Variants in KLF12 observed in about 807,000 individuals in gnomAD.
KLF12 encodes the protein KLF transcription factor 12.
In KLF12, 9 loss-of-function variants were observed where a neutral mutation model predicts 37.8. That is an observed-to-expected ratio of 0.24 (90% CI 0.14 to 0.42). KLF12 has a LOEUF of 0.42. Among genes scored for constraint, KLF12 ranks in the 10% least tolerant of loss-of-function variants. The probability of loss-of-function intolerance (pLI) is 1.00; values close to 1 mark genes in which losing one functional copy is unlikely to be tolerated. For missense variants in KLF12, 411 were observed against 516.0 expected (o/e 0.80, Z 1.97); for synonymous variants, 208 against 202.1 (o/e 1.03, Z -0.25).
Position 73,908,081 on chromosome 13 carries a change from G to C in KLF12, c.123+35900C>G, listed in dbSNP as rs187286550. Among the ~76,000 whole-genome samples, 29 of 152,216 alleles carry C rather than the reference G, an allele frequency of 1.9e-4. No homozygotes were observed. In the East Asian group the frequency reaches 5.4e-3, roughly 28 times the overall value. On this transcript the variant is annotated intron_variant, in intron 3 of 7. Coordinates refer to ENST00000377669, the MANE Select transcript of KLF12 (RefSeq NM_007249.5). ...GTCTTGGTTCAATGTCTACCTATTA[G>C]AAATAGGCCTGAGCATCTAATTAAA...
Position 74,125,388 on chromosome 13 carries a change from T to C in KLF12, c.-32+8351A>G, listed in dbSNP as rs559410991. On this transcript the variant is annotated intron_variant, in intron 1 of 7. Coordinates refer to ENST00000377669, the MANE Select transcript of KLF12 (RefSeq NM_007249.5). ...TTACCTTACATTATAATGTGCCACA[T>C]AATTCTTACCCCACCCTCCTTGATT... Among the ~76,000 whole-genome samples, 19 of 152,300 alleles carry C rather than the reference T, an allele frequency of 1.2e-4. No individual in the cohort carries two copies. In the South Asian group the frequency reaches 3.7e-3, roughly 30 times the overall value.
At chr13:74,081,056 C>T (rs762518638) in intron 1 of KLF12, among the ~76,000 whole-genome samples, 3 of 152,160 alleles carry the variant, frequency 2.0e-5, no homozygotes, top group African/African-American at 4.8e-5. Flanking sequence ...GCCTCTGGTA[C>T]GAAATGACCA....
chr13:73,810,982 C>CTTCCTTTTT (rs1882901450), intron 5 of KLF12, among the ~76,000 whole-genome samples: 2 of 44,808 alleles, frequency 4.5e-5, no homozygotes, highest in African/African-American at 1.7e-4. Flanking sequence ...ATTTTTCTTT[C>CTTCCTTTTT]TTTTTTTTTT....
chr13:74,202,952 A>G, the KLF12 span, among the ~76,000 whole-genome samples: 1 of 152,136 alleles, frequency 6.6e-6, no homozygotes, highest in Non-Finnish European at 1.5e-5. Context: ...TGAGGCTGCC[A>G]ATAAAATAAC....
At chr13:73,995,664 T>C (rs753125296) in intron 1 of KLF12, among the ~76,000 whole-genome samples, 4 of 152,162 alleles carry the variant, frequency 2.6e-5, no homozygotes, top group Non-Finnish European at 5.9e-5. Context: ...TAAATATAAA[T>C]TAAATATTTA....
chr13:74,150,060 A>G, the KLF12 span, among the ~76,000 whole-genome samples: 1 of 152,208 alleles, frequency 6.6e-6, no homozygotes, highest in Non-Finnish European at 1.5e-5. Flanking sequence ...AACATGAGCA[A>G]TAAACATAGT....
chr13:74,234,869 A>G, the KLF12 span, among the ~76,000 whole-genome samples: 2 of 152,248 alleles, frequency 1.3e-5, no homozygotes, highest in South Asian at 4.1e-4. Context: ...TTTAAAATTT[A>G]TAAAAAGGTA....
chr13:73,944,544 T>A (rs1463019005), intron 2 of KLF12, among the ~76,000 whole-genome samples: 1 of 152,252 alleles, frequency 6.6e-6, no homozygotes, highest in Admixed American at 6.5e-5. Flanking sequence ...TCCATACATT[T>A]AATTTTTATG....
chr13:74,300,133 G>A, the KLF12 span, among the ~76,000 whole-genome samples: 3 of 152,024 alleles, frequency 2.0e-5, no homozygotes, highest in African/African-American at 7.2e-5. Flanking sequence ...ATTGAATAGA[G>A]GAACTTACGC....
chr13:74,149,119 G>C, the KLF12 span, among the ~76,000 whole-genome samples: 108 of 152,066 alleles, frequency 7.1e-4, no homozygotes, highest in Non-Finnish European at 1.4e-3. Context: ...CTGGCTTGTT[G>C]TTGGATGTCT....
chr13:74,009,467 CA>C (rs1892493699), intron 1 of KLF12, among the ~76,000 whole-genome samples: 1 of 152,100 alleles, frequency 6.6e-6, no homozygotes. Context: ...TGTCAGTTCC[CA>C]AAGTCCACAC....
chr13:73,731,484 T>C (rs1226234296), intron 6 of KLF12, among the ~76,000 whole-genome samples: 1 of 145,002 alleles, frequency 6.9e-6, no homozygotes, highest in Non-Finnish European at 1.5e-5. Flanking sequence ...TTTCATTAAA[T>C]GTTGTCCAAT....
chr13:74,088,237 G>T (rs955277281), intron 1 of KLF12, among the ~76,000 whole-genome samples: 1 of 151,880 alleles, frequency 6.6e-6, no homozygotes, highest in African/African-American at 2.4e-5. Context: ...ACCCACCATA[G>T]AAACTATTAC....
Position 74,091,576 on chromosome 13 carries a change from C to T in KLF12, c.-32+42163G>A, listed in dbSNP as rs192539016. Among the ~76,000 whole-genome samples, 20 of 152,180 alleles carry T rather than the reference C, an allele frequency of 1.3e-4. No homozygotes were observed. In the East Asian group the frequency reaches 3.9e-3, roughly 29 times the overall value. On this transcript the variant is annotated intron_variant, in intron 1 of 7. Transcript: ENST00000377669. ...CACCACAGTTTCTTCATCCATTTAC[C>T]TACTGAAGAACATCTTGGTTGTTTC... is the stretch of plus-strand genomic sequence containing the variant.
At chr13:74,094,261 G>A (rs984401389) in intron 1 of KLF12, among the ~76,000 whole-genome samples, 5 of 152,040 alleles carry the variant, frequency 3.3e-5, no homozygotes, top group African/African-American at 9.7e-5. Flanking sequence ...AGCAAAGAAC[G>A]ATGGTTTTTA....
At chr13:73,832,862 TC>T (rs1884237524) in intron 4 of KLF12, among the ~76,000 whole-genome samples, 1 of 152,188 alleles carries the variant, frequency 6.6e-6, no homozygotes, top group Non-Finnish European at 1.5e-5. Context: ...AGCTTTTAAA[TC>T]AAAACAGCTT....
chr13:74,301,963 C>A, the KLF12 span, among the ~76,000 whole-genome samples: 3 of 152,234 alleles, frequency 2.0e-5, no homozygotes, highest in African/African-American at 7.2e-5. Flanking sequence ...AATAATACCA[C>A]AATAAAAACT....
At chr13:74,096,589 T>C (rs1875999821) in intron 1 of KLF12, among the ~76,000 whole-genome samples, 1 of 152,242 alleles carries the variant, frequency 6.6e-6, no homozygotes, top group Non-Finnish European at 1.5e-5. Context: ...TTTAAGCTTT[T>C]GAAAATCAAT....
At chr13:73,751,625 G>C (rs1878760504) in intron 6 of KLF12, among the ~76,000 whole-genome samples, 4 of 152,154 alleles carry the variant, frequency 2.6e-5, no homozygotes, top group Admixed American at 1.3e-4. Context: ...TTTCTAGCTT[G>C]GGTGATTTTG....
Sources: allele counts gnomAD v4.1 joint callset (sites outside exome capture counted in the v4.1 genomes callset), GRCh38; gene constraint gnomAD v4.1.1; transcripts MANE v1.5; gene names NCBI Gene and HGNC (gene_info 2026-07-23, HGNC 2026-07-21).